CABIN1: variants seen among roughly 807,000 people sequenced by gnomAD.
CABIN1 encodes the protein calcineurin binding protein 1, also known as calcineurin-binding protein cabin-1.
A neutral mutation model predicts 227.7 loss-of-function variants in CABIN1; 133 were observed. The ratio of observed to expected loss-of-function variants is 0.58; its 90% CI spans 0.51 to 0.67. The LOEUF (loss-of-function observed/expected upper bound fraction) is 0.67. Ranked by LOEUF, CABIN1 falls within the 30% of genes least tolerant of loss-of-function variation. CABIN1 has a pLI of 0.00. For missense variants in CABIN1, 2,408 were observed against 2,852.5 expected (o/e 0.84, Z 3.55); for synonymous variants, 1,086 against 1,155.1 (o/e 0.94, Z 1.21).
chr22:24,163,677 C>G (rs2046285451), intron 29 of CABIN1, among the ~76,000 whole-genome samples: 1 of 152,216 alleles, frequency 6.6e-6, no homozygotes, highest in Non-Finnish European at 1.5e-5. Context: ...TCCCCACACC[C>G]TGCCTGGACC....
In CABIN1 at chr22:24,115,124, G is replaced by A. The variant is rs115600430; in HGVS notation, c.4300+1376G>A. 9.6e-3 allele frequency among the ~76,000 whole-genome samples: 1,463 copies of A among 152,290 alleles called. 28 individuals carry two copies. Among genetic ancestry groups the A allele is most frequent in the African/African-American group, 0.033 (1,375 of 41,538 alleles). On this transcript the variant is annotated intron_variant, in intron 27 of 36. Transcript: ENST00000263119. The stretch of plus-strand genomic sequence containing the variant: ...ACAGCATTTCTGTTTTTAAAAATAA[G>A]ATTTTTAAAACTTATCAGACAAGTA...
intron 26 of CABIN1, among the ~76,000 whole-genome samples, chr22:24,099,012 G>A (rs2042054879): frequency 6.6e-6 from 1 of 152,164 alleles, no homozygotes; most frequent in Non-Finnish European, 1.5e-5. Context: ...ATGCTAGTAG[G>A]TGGGTAGAAT....
chr22:24,113,876 C>T, intron 27 of CABIN1, 128 bp downstream of exon 27: 2 of 988,374 alleles, frequency 2.0e-6, no homozygotes, highest in Non-Finnish European at 3.1e-6. Flanking sequence ...CTCCATTTTT[C>T]TCCCTGTAGG....
intron 29 of CABIN1, among the ~76,000 whole-genome samples, chr22:24,145,271 G>A (rs2045037953): frequency 6.6e-6 from 1 of 152,164 alleles, no homozygotes; most frequent in African/African-American, 2.4e-5. Context: ...GCACTGGAGG[G>A]GCTGGGCTGG....
chr22:24,073,225 G>C (rs1228605264), intron 18 of CABIN1, among the ~76,000 whole-genome samples: 4 of 152,050 alleles, frequency 2.6e-5, no homozygotes, highest in African/African-American at 4.8e-5. Context: ...AAGATTGCCT[G>C]TAATCTTATC....
At chr22:24,084,935 G>A (rs1469415251) in intron 21 of CABIN1, 71 bp from the exon 22 acceptor site, 2 of 1,598,896 alleles carry the variant, frequency 1.3e-6, no homozygotes, top group Non-Finnish European at 1.7e-6. Flanking sequence ...TGACTAAACA[G>A]TCCTGGGTTT....
chr22:24,084,047 C>T (rs995476829), intron 20 of CABIN1, among the ~76,000 whole-genome samples: 1 of 152,182 alleles, frequency 6.6e-6, no homozygotes, highest in Non-Finnish European at 1.5e-5. Flanking sequence ...AGTCAGCTCT[C>T]CTTCAATATT....
Position 24,036,185 on chromosome 22 carries a change from C to G in CABIN1, c.96+4C>G. 1 of 1,601,740 alleles carries G rather than the reference C, an allele frequency of 6.2e-7. No individual in the cohort carries two copies. The highest frequency in any genetic ancestry group is 8.6e-7 in the Non-Finnish European group (1 of 1,168,964). The stretch of plus-strand genomic sequence containing the variant: ...AACCCAGACAAAGGAGGCTCAGGTA[C>G]GTAATGCGAGGTCTTCTCTGTAGGT... On this transcript the variant is annotated splice_donor_region_variant and intron_variant, in intron 3 of 36. Coordinates refer to ENST00000263119, the MANE Select transcript of CABIN1 (RefSeq NM_012295.4).
chr22:24,029,917 T>A (rs1044799344), intron 1 of CABIN1, among the ~76,000 whole-genome samples: 1 of 152,196 alleles, frequency 6.6e-6, no homozygotes, highest in African/African-American at 2.4e-5. Context: ...AAACTTGGGT[T>A]CTGCTGCCCA....
intron 18 of CABIN1, 145 bp from the exon 19 acceptor site, chr22:24,076,020 CAAAA>C (rs71226739): frequency 1.6e-3 from 834 of 526,940 alleles, no homozygotes; most frequent in Middle Eastern, 2.9e-3. Flanking sequence ...TTTAAAAAGG[CAAAA>C]AAAAAAAAAA....
At chr22:24,150,121 G>A (rs1051674981) in intron 29 of CABIN1, among the ~76,000 whole-genome samples, 1 of 152,218 alleles carries the variant, frequency 6.6e-6, no homozygotes, top group Admixed American at 6.5e-5. Context: ...ACTGTGCTTC[G>A]GGAAACAGTG....
chr22:24,067,319 A>G, intron 16 of CABIN1, 138 bp downstream of exon 16: 3 of 900,434 alleles, frequency 3.3e-6, no homozygotes, highest in Admixed American at 2.0e-5. Context: ...CTAAGCCCCC[A>G]GGAAGATGTT....
In CABIN1 at chr22:24,085,927, A is replaced by C. The variant is rs2041128647; in HGVS notation, c.3263+776A>C. 2.6e-5 allele frequency among the ~76,000 whole-genome samples: 4 copies of C among 152,204 alleles called. No homozygotes were observed. The South Asian group carries it at 8.3e-4, about 31-fold the overall frequency. On this transcript the variant is annotated intron_variant, in intron 22 of 36. Transcript: ENST00000263119. ...GGAAGGACTCAGAGGCCAGGCTGTG[A>C]TAGCTGCCCTTGAGCCATGGGTGAG...
intron 1 of CABIN1, among the ~76,000 whole-genome samples, chr22:24,019,650 CTTTTTTTTT>C (rs34361694): frequency 1.1e-5 from 1 of 87,024 alleles, no homozygotes; most frequent in Non-Finnish European, 2.1e-5. Context: ...TTTCTTTACC[CTTTTTTTTT>C]TTTTTTTTTT....
intron 1 of CABIN1, among the ~76,000 whole-genome samples, chr22:24,023,379 C>T (rs1411499679): frequency 6.6e-6 from 1 of 152,144 alleles, no homozygotes; most frequent in Non-Finnish European, 1.5e-5. Flanking sequence ...TGTTCAAGTC[C>T]TGTTCTTTCA....
intron 27 of CABIN1, among the ~76,000 whole-genome samples, chr22:24,116,343 A>G (rs2043086776): frequency 6.6e-6 from 1 of 152,248 alleles, no homozygotes; most frequent in African/African-American, 2.4e-5. Context: ...AGAGTTGACA[A>G]GCACCTGTTG....
Position 24,119,494 on chromosome 22 carries a change from C to T in CABIN1, c.4428C>T (p.Thr1476=). ...IPGKPSASTP[T]LWDGKKRGDL... ...GCAAGCCCTCAGCATCCACACCCAC[C>T]CTGTGGGATGGGAAGAAGAGAGGGG... Residue 1476 remains threonine, a synonymous_variant, in exon 28 of 37, where the codon ACC becomes ACT. Transcript: ENST00000263119. 6.2e-7 allele frequency: 1 copy of T among 1,614,082 alleles called. No homozygotes were observed. The highest frequency in any genetic ancestry group is 8.5e-7 in the Non-Finnish European group (1 of 1,180,034).
intron 6 of CABIN1, among the ~76,000 whole-genome samples, chr22:24,046,038 A>G (rs1297175922): frequency 6.6e-6 from 1 of 152,018 alleles, no homozygotes; most frequent in African/African-American, 2.4e-5. Flanking sequence ...ACTTTTTACA[A>G]CCTCCTAAGG....
At chr22:24,087,392 T>A in intron 22 of CABIN1, 60 bp from the exon 23 acceptor site, 1 of 1,603,884 alleles carries the variant, frequency 6.2e-7, no homozygotes, top group Non-Finnish European at 8.5e-7. Context: ...TAGGCTGTCA[T>A]TATCTTCCAT....
Sources: allele counts gnomAD v4.1 joint callset (sites outside exome capture counted in the v4.1 genomes callset), GRCh38; gene constraint gnomAD v4.1.1; transcripts MANE v1.5; gene names NCBI Gene and HGNC (gene_info 2026-07-23, HGNC 2026-07-21).